TPI1: variants seen among roughly 807,000 people sequenced by gnomAD.
The protein encoded by TPI1 is triosephosphate isomerase.
Under a neutral mutation model 31.0 loss-of-function variants are expected in TPI1, and 11 were observed. That is an observed-to-expected ratio of 0.36 (90% CI 0.22 to 0.59). TPI1 has a LOEUF of 0.59. TPI1 is among the 20% of genes least tolerant of loss of function. TPI1 has a pLI of 0.79. For synonymous variants in TPI1, 121 were observed against 122.8 expected (o/e 0.99, Z 0.10); for missense variants, 245 against 319.7 (o/e 0.77, Z 1.78).
upstream of TPI1, chr12:6,867,507 A>G (rs931345342): frequency 1.3e-6 from 2 of 1,581,748 alleles, no homozygotes; most frequent in African/African-American, 2.7e-5. Flanking sequence ...GCTCTATATA[A>G]GTGGGCAGTG....
intron 4 of TPI1, 83 bp from the exon 5 acceptor site, chr12:6,869,605 C>T: frequency 6.5e-7 from 1 of 1,549,232 alleles, no homozygotes; most frequent in Admixed American, 1.7e-5. Flanking sequence ...GGCAGTAGGC[C>T]ACCGTTCTTC....
rs1555131570 is a variant in TPI1 at position 6,867,668 on chromosome 12, G to A, written c.102G>A (p.Val34=). ...ELIGTLNAAK[V]PADTEVVCAP... ...TCGGCACTCTGAACGCGGCCAAGGT[G>A]CCGGCCGACACCGGTAAGCCCTCGC... Residue 34 remains valine, a synonymous_variant, in exon 1 of 7, where the codon GTG becomes GTA. Transcript: ENST00000396705. 6.2e-7 allele frequency: 1 copy of A among 1,609,688 alleles called. No individual in the cohort carries two copies.
In TPI1 at chr12:6,870,863, A is replaced by G. The variant is rs781953805; in HGVS notation, c.*480A>G. 1.0e-4 allele frequency: 59 copies of G among 564,664 alleles called. No individual in the cohort carries two copies. The highest frequency in any genetic ancestry group is 1.0e-3 in the African/African-American group (56 of 54,040). 35.0% of individuals were successfully genotyped at this position (564,664 alleles called of 1,614,324 possible). A position where few individuals can be genotyped will look rare whatever the true frequency, so the allele number is the denominator to read the frequency against. On this transcript the variant is annotated 3_prime_UTR_variant, in exon 7 of 7. Transcript: ENST00000396705. ...TTGTCTGCCTTCACTGGACTTGCCC[A>G]GATAATCTTCCTTTTTGAGGCAGCT...
At chr12:6,869,873 G>A in intron 5 of TPI1, 100 bp downstream of exon 5, 1 of 1,467,622 alleles carries the variant, frequency 6.8e-7, no homozygotes, top group Non-Finnish European at 9.5e-7. Context: ...AAGACACAGA[G>A]ACCTTGAACC....
chr12:6,868,797 G>T (rs1944514933), intron 1 of TPI1, 67 bp from the exon 2 acceptor site: 4 of 1,566,844 alleles, frequency 2.6e-6, no homozygotes, highest in Non-Finnish European at 3.5e-6. Context: ...CAGGGCACTG[G>T]TTAGGAATTG....
In TPI1 at chr12:6,869,086, T is replaced by C; in HGVS notation, c.240-13T>C. On this transcript the variant is annotated splice_polypyrimidine_tract_variant and intron_variant, in intron 2 of 6. Coordinates refer to ENST00000396705, the MANE Select transcript of TPI1 (RefSeq NM_000365.6). The stretch of plus-strand genomic sequence containing the variant: ...GGCTCCCTGCTGAACCTTGGCTTCA[T>C]CTCTTCCTTTAGCCCTGGCATGATC... 6.2e-7 allele frequency: 1 copy of C among 1,614,196 alleles called. No homozygotes were observed. Among genetic ancestry groups the C allele is most frequent in the Non-Finnish European group, 8.5e-7 (1 of 1,180,034 alleles).
rs781938767 is a variant in TPI1, at chr12:6,870,424, C to G, written c.*41C>G. The G allele has an allele frequency of 2.0e-6, 3 of 1,481,190 alleles. No individual in the cohort carries two copies. In the South Asian group the frequency reaches 3.4e-5, roughly 17 times the overall value. The allele number at this position is 1,481,190 out of a possible 1,614,324, so 91.8% of individuals were successfully genotyped here. A position where few individuals can be genotyped will look rare whatever the true frequency, so the allele number is the denominator to read the frequency against. ...CCTACCCTTCCTGCCAAGCCAGGGA[C>G]TAAGCAGCCCAGAAGCCCAGTAACT... On this transcript the variant is annotated 3_prime_UTR_variant, in exon 7 of 7. Transcript: ENST00000396705.
In TPI1 at chr12:6,868,820, GCTTT is replaced by G. The variant is rs1565537373; in HGVS notation, c.116-39_116-36del. ...TGGTTAGGAATTGTGGGGAATGAAG[GCTTT>G]CTTTAGTCTCATCCCCCTGTGGTAC... is the stretch of plus-strand genomic sequence containing the variant. On this transcript the variant is annotated intron_variant, in intron 1 of 6. Coordinates refer to ENST00000396705, the MANE Select transcript of TPI1 (RefSeq NM_000365.6). 3 of 1,593,570 alleles carry G rather than the reference GCTTT, an allele frequency of 1.9e-6. No homozygotes were observed. In the African/African-American group the frequency reaches 4.0e-5, roughly 21 times the overall value.
chr12:6,867,760 C>T (rs868911454), intron 1 of TPI1, 79 bp downstream of exon 1: 6 of 1,358,582 alleles, frequency 4.4e-6, no homozygotes, highest in Middle Eastern at 2.4e-4. Context: ...CTCCCGAGGC[C>T]CCGAGGCCCC....
At chr12:6,869,993 ATTTTTCCTCTT>A in intron 5 of TPI1, 45 bp from the exon 6 acceptor site, 1 of 1,592,344 alleles carries the variant, frequency 6.3e-7, no homozygotes, top group Middle Eastern at 1.7e-4. Context: ...GGTGCCAGTG[ATTTTTCCTCTT>A]AGAGAGGCAG....
At chr12:6,868,627 A>C in intron 1 of TPI1, 1 of 1,361,530 alleles carries the variant, frequency 7.3e-7, no homozygotes, top group Non-Finnish European at 9.7e-7. Flanking sequence ...TTAAAAGAGC[A>C]GAGGGCAGGG....
intron 1 of TPI1, 32 bp downstream of exon 1, chr12:6,867,713 G>A: frequency 1.3e-6 from 2 of 1,522,508 alleles, no homozygotes; most frequent in African/African-American, 3.1e-5. Context: ...GTCTGGCCGG[G>A]CCGGGGCCGG....
At position 6,869,029 on chromosome 12, in the gene TPI1, A is replaced by G; in HGVS notation, c.239+42A>G. 3 of 1,614,088 alleles carry G rather than the reference A, an allele frequency of 1.9e-6. No individual in the cohort carries two copies. In the South Asian group the frequency reaches 3.3e-5, roughly 18 times the overall value. On this transcript the variant is annotated intron_variant, in intron 2 of 6. Coordinates refer to ENST00000396705, the MANE Select transcript of TPI1 (RefSeq NM_000365.6). ...GAGGGGTGTGTGGGACCCTTCCCTC[A>G]CTTTCCTCGTTGAGGGGAAAGCCAC... is the stretch of plus-strand genomic sequence containing the variant.
At position 6,870,732 on chromosome 12, in the gene TPI1, C is replaced by T. The variant is rs782416750; in HGVS notation, c.*349C>T. Reference sequence around the variant, plus strand: ...CTTCTTACACCGTGAGGCCAAGATCCCCTCAGAAGGCAGGAGTGCTGCCCT... The same window carrying T: ...CTTCTTACACCGTGAGGCCAAGATCTCCTCAGAAGGCAGGAGTGCTGCCCT... On this transcript the variant is annotated 3_prime_UTR_variant, in exon 7 of 7. Coordinates refer to ENST00000396705, the MANE Select transcript of TPI1 (RefSeq NM_000365.6). The T allele has an allele frequency of 1.5e-5, 8 of 547,790 alleles. No homozygotes were observed. Among genetic ancestry groups the T allele is most frequent in the South Asian group, 1.2e-4 (8 of 68,990 alleles). The allele number at this position is 547,790 out of a possible 1,614,324, so 33.9% of individuals were successfully genotyped here. A position where few individuals can be genotyped will look rare whatever the true frequency, so the allele number is the denominator to read the frequency against.
Position 6,870,803 on chromosome 12 carries a change from T to C in TPI1, c.*420T>C, listed in dbSNP as rs58194764. 24,485 of 514,504 alleles carry C rather than the reference T, an allele frequency of 0.048. 2,506 individuals carry two copies. Among genetic ancestry groups the C allele is most frequent in the East Asian group, 0.26 (4,913 of 19,018 alleles). 31.9% of individuals were successfully genotyped at this position (514,504 alleles called of 1,614,324 possible). Reference sequence around the variant, plus strand: ...CTGTGCTGTGTATGTGAACCACCCATGTGAGGGAATAAACCTGGCACTAGG... The same window carrying C: ...CTGTGCTGTGTATGTGAACCACCCACGTGAGGGAATAAACCTGGCACTAGG... On this transcript the variant is annotated 3_prime_UTR_variant, in exon 7 of 7. Transcript: ENST00000396705.
chr12:6,868,475 C>T (rs1022731528), intron 1 of TPI1: 67 of 1,286,398 alleles, frequency 5.2e-5, no homozygotes, highest in Admixed American at 1.9e-4. Context: ...TGGCCCCTCT[C>T]CTTTTGCTAC....
At chr12:6,869,441 A>C in intron 4 of TPI1, 51 bp downstream of exon 4, 3 of 1,612,396 alleles carry the variant, frequency 1.9e-6, no homozygotes, top group Non-Finnish European at 1.7e-6. Context: ...ACAGAGACTC[A>C]GAGGGTAGGG....
In TPI1 at chr12:6,870,301, G is replaced by T; in HGVS notation, c.668G>T (p.Ser223Ile). The change falls in exon 7 of 7, where the codon AGC becomes ATC. Residue 223 changes from serine to isoleucine, a missense_variant. Transcript: ENST00000396705. The part of the protein sequence containing the change: ...VTGATCKELA[S>I]QPDVDGFLVG... ...GGGGCAACCTGCAAGGAGCTGGCCAGCCAGCCTGATGTGGATGGCTTCCTT... is the reference window on the plus strand; with the variant it reads ...GGGGCAACCTGCAAGGAGCTGGCCATCCAGCCTGATGTGGATGGCTTCCTT... 4 of 1,614,196 alleles carry T rather than the reference G, an allele frequency of 2.5e-6. No homozygotes were observed. The highest frequency in any genetic ancestry group is 3.4e-6 in the Non-Finnish European group (4 of 1,180,028).
chr12:6,870,299 C>T lies in TPI1; in HGVS notation c.666C>T (p.Ala222=), dbSNP rs1407289344. ...SVTGATCKEL[A]SQPDVDGFLV... is the part of the protein sequence containing the mutation. ...CTGGGGCAACCTGCAAGGAGCTGGC[C>T]AGCCAGCCTGATGTGGATGGCTTCC... Residue 222 remains alanine (A), a synonymous_variant, in exon 7 of 7, where the codon GCC becomes GCT. Transcript: ENST00000396705. The T allele has an allele frequency of 6.2e-7, 1 of 1,614,184 alleles. No individual in the cohort carries two copies. Among genetic ancestry groups the T allele is most frequent in the Admixed American group, 1.7e-5 (1 of 60,024 alleles).
Sources: allele counts gnomAD v4.1 joint callset, GRCh38; gene constraint gnomAD v4.1.1; transcripts MANE v1.5; gene names NCBI Gene and HGNC (gene_info 2026-07-23, HGNC 2026-07-21).